Variants in CDH9 observed in about 807,000 individuals in gnomAD.
CDH9 encodes the protein cadherin 9.
Under a neutral mutation model 70.9 loss-of-function variants are expected in CDH9, and 28 were observed. The ratio of observed to expected loss-of-function variants is 0.40; its 90% CI spans 0.29 to 0.54. The LOEUF is 0.54. Ranked by LOEUF, CDH9 falls within the 20% of genes least tolerant of loss-of-function variation. The pLI is 0.59. For missense variants in CDH9, 874 were observed against 984.4 expected (o/e 0.89, Z 1.50); for synonymous variants, 409 against 343.1 (o/e 1.19, Z -2.12).
At chr5:26,917,816 T>G (rs1741174559) in intron 2 of CDH9, among the ~76,000 whole-genome samples, 1 of 152,034 alleles carries the variant, frequency 6.6e-6, no homozygotes, top group African/African-American at 2.4e-5. Context: ...AAGAGGGTGA[T>G]TTTTCCACAT....
chr5:26,960,353 C>A (rs1742013690), intron 2 of CDH9, among the ~76,000 whole-genome samples: 1 of 151,934 alleles, frequency 6.6e-6, no homozygotes, highest in South Asian at 2.1e-4. Context: ...TATGCTGCTT[C>A]TAAAATAACC....
chr5:27,015,781 CTG>C (rs1357305508), intron 1 of CDH9, among the ~76,000 whole-genome samples: 1 of 151,716 alleles, frequency 6.6e-6, no homozygotes, highest in Non-Finnish European at 1.5e-5. Context: ...CTTTTCAGAG[CTG>C]TCTTTTATAA....
Position 26,903,631 on chromosome 5 carries a change from A to C in CDH9, c.999+6T>G, listed in dbSNP as rs559857659. The C allele has an allele frequency of 6.3e-7, 1 of 1,581,260 alleles. No individual in the cohort carries two copies. Among genetic ancestry groups the C allele is most frequent in the South Asian group, 1.1e-5 (1 of 90,436 alleles). The stretch of plus-strand genomic sequence containing the variant: ...CAATGAAAAGATGAAGACAGTGAAA[A>C]GAAACCTGTTTGACAGTTATAATCC... On this transcript the variant is annotated splice_donor_region_variant and intron_variant, in intron 6 of 11. Transcript: ENST00000231021.
rs1275615228 is a variant in CDH9, at chr5:27,001,840, A to ACTCTCTCTCT, written c.-49-13459_-49-13458insAGAGAGAGAG. Among the ~76,000 whole-genome samples the ACTCTCTCTCT allele has an allele frequency of 5.5e-3, 684 of 123,390 alleles. 3 individuals carry two copies. The highest frequency in any genetic ancestry group is 0.024 in the African/African-American group (657 of 27,562). 80.9% of individuals were successfully genotyped at this position (123,390 alleles called of 152,430 possible). On this transcript the variant is annotated intron_variant, in intron 1 of 11. Coordinates refer to ENST00000231021, the MANE Select transcript of CDH9 (RefSeq NM_016279.4). Reference sequence around the variant, plus strand: ...AGCAGTGCTTAACATACACACACACACACACTCTCTCTCTCTCTCTCTCTC... The same window carrying ACTCTCTCTCT: ...AGCAGTGCTTAACATACACACACACACTCTCTCTCTCACACTCTCTCTCTCTCTCTCTCTC...
intron 1 of CDH9, among the ~76,000 whole-genome samples, chr5:27,030,058 TCA>T (rs1159267875): frequency 6.6e-6 from 1 of 152,060 alleles, no homozygotes; most frequent in African/African-American, 2.4e-5. Context: ...TTTTCAAGCC[TCA>T]GTTTTTCTTA....
At chr5:26,904,884 C>G (rs556799190) in intron 5 of CDH9, among the ~76,000 whole-genome samples, 3 of 151,990 alleles carry the variant, frequency 2.0e-5, no homozygotes, top group Middle Eastern at 6.8e-3. Flanking sequence ...CTTATAGTTC[C>G]AAAGTTTTGT....
chr5:26,957,466 A>G (rs1408949647), intron 2 of CDH9, among the ~76,000 whole-genome samples: 1 of 152,070 alleles, frequency 6.6e-6, no homozygotes, highest in Non-Finnish European at 1.5e-5. Context: ...GTTCCAGACA[A>G]GCCTGGCCAA....
At chr5:26,931,621 T>TA (rs1374339613) in intron 2 of CDH9, among the ~76,000 whole-genome samples, 1 of 152,034 alleles carries the variant, frequency 6.6e-6, no homozygotes, top group African/African-American at 2.4e-5. Flanking sequence ...AAACAAAGCT[T>TA]AAAATCAAGA....
chr5:26,908,337 A>AAGC (rs58529277), intron 3 of CDH9, among the ~76,000 whole-genome samples: 1 of 59,256 alleles, frequency 1.7e-5, no homozygotes, highest in Non-Finnish European at 4.1e-5. Context: ...AAGTTCAACA[A>AAGC]GTGTTTTTTT....
intron 3 of CDH9, among the ~76,000 whole-genome samples, chr5:26,913,499 T>A (rs1397932741): frequency 6.6e-6 from 1 of 152,104 alleles, no homozygotes; most frequent in Non-Finnish European, 1.5e-5. Context: ...TATATCCTTG[T>A]CTCATTTTGT....
rs1402522803 is a variant in CDH9 at position 26,915,874 on chromosome 5, T to G, written c.279A>C (p.Thr93=). The G allele has an allele frequency of 1.2e-6, 2 of 1,612,044 alleles. No homozygotes were observed. Among genetic ancestry groups the G allele is most frequent in the East Asian group, 4.5e-5 (2 of 44,864 alleles). Reference sequence around the variant, plus strand: ...CAAATAGACTGCCAGCCCCATCTCCTGTTAGTATGTATTTTAAATTTCCAT... The same window carrying G: ...CAAATAGACTGCCAGCCCCATCTCCGGTTAGTATGTATTTTAAATTTCCAT... ...KGDGNLKYIL[T]GDGAGSLFVI... The change falls in exon 3 of 12, where the codon ACA becomes ACC. Residue 93 remains threonine, a synonymous_variant. Transcript: ENST00000231021.
intron 1 of CDH9, among the ~76,000 whole-genome samples, chr5:27,011,106 G>A (rs774201305): frequency 6.6e-6 from 1 of 152,050 alleles, no homozygotes; most frequent in Admixed American, 6.6e-5. Context: ...TTAGAGGTGG[G>A]GGAGAAGTGC....
At chr5:26,887,742 G>A (rs2111969874) in intron 9 of CDH9, among the ~76,000 whole-genome samples, 1 of 152,134 alleles carries the variant, frequency 6.6e-6, no homozygotes, top group Admixed American at 6.6e-5. Context: ...ACTCTAATTC[G>A]ATGACTGGAG....
In CDH9 at chr5:26,999,121, T is replaced by TG. The variant is rs1742719553; in HGVS notation, c.-49-10740dup. On this transcript the variant is annotated intron_variant, in intron 1 of 11. Transcript: ENST00000231021. ...TTAGCTGGGTGTGATGGTGTGCACC[T>TG]GTGGTCCCAGCTACTTGGGAGGCTG... Among the ~76,000 whole-genome samples, 4 of 152,118 alleles carry TG rather than the reference T, an allele frequency of 2.6e-5. No homozygotes were observed. The South Asian group carries it at 8.3e-4, about 32-fold the overall frequency.
chr5:26,963,453 A>T (rs973324100), intron 2 of CDH9, among the ~76,000 whole-genome samples: 3 of 152,148 alleles, frequency 2.0e-5, no homozygotes, highest in African/African-American at 7.2e-5. Context: ...GTTTATGATG[A>T]TAGCAATTGT....
At chr5:27,021,190 T>C (rs2112125500) in intron 1 of CDH9, among the ~76,000 whole-genome samples, 2 of 151,886 alleles carry the variant, frequency 1.3e-5, no homozygotes, top group East Asian at 3.9e-4. Flanking sequence ...AGCTAAAGCA[T>C]TGTGTTAAGC....
At chr5:26,949,124 G>A (rs1188182479) in intron 2 of CDH9, among the ~76,000 whole-genome samples, 1 of 152,116 alleles carries the variant, frequency 6.6e-6, no homozygotes, top group Non-Finnish European at 1.5e-5. Context: ...ATTTACCAGT[G>A]CATATTTATG....
intron 1 of CDH9, among the ~76,000 whole-genome samples, chr5:27,027,056 T>G (rs1743232269): frequency 6.6e-6 from 1 of 151,972 alleles, no homozygotes; most frequent in Non-Finnish European, 1.5e-5. Context: ...TTAAAATAGA[T>G]TATGATATGA....
intron 2 of CDH9, among the ~76,000 whole-genome samples, chr5:26,976,563 A>G (rs960594084): frequency 6.6e-6 from 1 of 152,002 alleles, no homozygotes; most frequent in African/African-American, 2.4e-5. Context: ...TCAGCCTCCC[A>G]AAGAGCTGAG....
Sources: gnomAD v4.1 joint callset for allele counts (sites outside exome capture counted in the v4.1 genomes callset) on GRCh38, gnomAD v4.1.1 for gene constraint, MANE v1.5 for transcripts, NCBI Gene and HGNC (gene_info 2026-07-23, HGNC 2026-07-21) for gene names.